Variants in DMD observed in about 807,000 individuals in gnomAD.
DMD encodes mutant dystrophin.
DMD carries 63 observed loss-of-function variants against 330.1 expected under a neutral mutation model. That is an observed-to-expected ratio of 0.19 (90% CI 0.16 to 0.24). The LOEUF (loss-of-function observed/expected upper bound fraction) is 0.24, where lower values mean the gene tolerates loss of function less well. DMD is among the 10% of genes least tolerant of loss of function. The pLI is 1.00. For missense variants in DMD, 3,344 were observed against 2,684.1 expected (o/e 1.25, Z -5.43); for synonymous variants, 1,223 against 959.8 (o/e 1.27, Z -5.07).
chrX:32,928,803 GAT>G (rs772860192), intron 2 of DMD, among the ~76,000 whole-genome samples: 6 of 111,913 alleles, frequency 5.4e-5, no homozygotes, highest in Non-Finnish European at 9.4e-5. Context: ...CTTACAATCA[GAT>G]ATTCTCAGAC....
intron 2 of DMD, among the ~76,000 whole-genome samples, chrX:32,953,592 C>G (rs1436338062): frequency 9.0e-6 from 1 of 111,720 alleles, no homozygotes; most frequent in Non-Finnish European, 1.9e-5. Context: ...TTACAAGGAG[C>G]TTGAGAAGAG....
intron 41 of DMD, among the ~76,000 whole-genome samples, chrX:32,333,637 T>G (rs2097691577): frequency 9.0e-6 from 1 of 111,457 alleles, no homozygotes; most frequent in Non-Finnish European, 1.9e-5. Context: ...TATTGGAATT[T>G]CTATTAAGTT....
intron 16 of DMD, among the ~76,000 whole-genome samples, chrX:32,562,887 T>A (rs1431832128): frequency 9.0e-6 from 1 of 111,721 alleles, no homozygotes; most frequent in African/African-American, 3.3e-5. Flanking sequence ...ATCAATCCCA[T>A]GACAGCATAA....
intron 50 of DMD, among the ~76,000 whole-genome samples, chrX:31,774,474 CTTAAG>C (rs1216885130): frequency 9.0e-6 from 1 of 111,610 alleles, no homozygotes; most frequent in African/African-American, 3.3e-5. Flanking sequence ...GGACAAGTAA[CTTAAG>C]TTAAATAAGC....
At chrX:31,198,617 C>T (rs2043142205) in intron 67 of DMD, among the ~76,000 whole-genome samples, 1 of 112,005 alleles carries the variant, frequency 8.9e-6, no homozygotes, top group Admixed American at 9.4e-5. Context: ...AAATGACTGG[C>T]AGTGCAGGTT....
chrX:31,863,490 C>T (rs1308282254), intron 48 of DMD, among the ~76,000 whole-genome samples: 2 of 112,268 alleles, frequency 1.8e-5, no homozygotes, highest in Non-Finnish European at 3.8e-5. Context: ...CCCACTGGTG[C>T]ATTGTAGTCA....
chrX:33,015,318 A>G (rs777910182), intron 2 of DMD, among the ~76,000 whole-genome samples: 1 of 112,060 alleles, frequency 8.9e-6, no homozygotes, highest in Non-Finnish European at 1.9e-5. Flanking sequence ...TACACCATGG[A>G]ATACTATGTA....
chrX:33,259,094 C>G (rs181890985), intron 1 of DMD, among the ~76,000 whole-genome samples: 2 of 111,034 alleles, frequency 1.8e-5, no homozygotes, highest in Non-Finnish European at 3.8e-5. Context: ...GAGCATATGG[C>G]GCTTTACTGT....
intron 62 of DMD, among the ~76,000 whole-genome samples, chrX:31,273,190 C>T (rs1464523220): frequency 9.0e-6 from 1 of 111,676 alleles, no homozygotes; most frequent in African/African-American, 3.3e-5. Context: ...GAGTGATTTA[C>T]TCATACTTTG....
intron 29 of DMD, among the ~76,000 whole-genome samples, chrX:32,434,795 T>C (rs144583595): frequency 8.9e-6 from 1 of 112,148 alleles, no homozygotes; most frequent in East Asian, 2.8e-4. Flanking sequence ...CTACACATTG[T>C]TTTAATTTAA....
At chrX:32,705,925 A>G (rs2064589278) in intron 7 of DMD, among the ~76,000 whole-genome samples, 1 of 110,095 alleles carries the variant, frequency 9.1e-6, no homozygotes, top group East Asian at 2.9e-4. Flanking sequence ...ACACATGCAC[A>G]CGTATGTTTA....
At chrX:32,917,685 T>C (rs2087963947) in intron 2 of DMD, among the ~76,000 whole-genome samples, 1 of 111,877 alleles carries the variant, frequency 8.9e-6, no homozygotes, top group African/African-American at 3.3e-5. Flanking sequence ...AAAAAATGGT[T>C]GGTGATCTTT....
chrX:32,767,964 T>C (rs1471342225), intron 7 of DMD, among the ~76,000 whole-genome samples: 1 of 111,659 alleles, frequency 9.0e-6, no homozygotes, highest in Non-Finnish European at 1.9e-5. Flanking sequence ...TGATAAGAGA[T>C]ATAGATATAA....
intron 67 of DMD, among the ~76,000 whole-genome samples, chrX:31,199,999 G>A (rs1490523909): frequency 1.8e-5 from 2 of 112,101 alleles, no homozygotes; most frequent in Non-Finnish European, 3.8e-5. Flanking sequence ...GCACCTGGCC[G>A]AGGAAAAGCA....
chrX:32,528,709 T>C (rs111620170), intron 17 of DMD, among the ~76,000 whole-genome samples: 2,531 of 110,864 alleles, frequency 0.023, 54 homozygotes, highest in Admixed American at 0.075. Flanking sequence ...GCCTGCTAGC[T>C]AAAAGCTTCA....
At chrX:32,535,540 G>C (rs1361483402) in intron 17 of DMD, among the ~76,000 whole-genome samples, 1 of 111,576 alleles carries the variant, frequency 9.0e-6, no homozygotes, top group Non-Finnish European at 1.9e-5. Flanking sequence ...CCTAACTTTA[G>C]TTTAATCTCT....
intron 76 of DMD, among the ~76,000 whole-genome samples, chrX:31,138,682 A>AGT (rs2035630354): frequency 1.6e-5 from 1 of 61,202 alleles, no homozygotes; most frequent in South Asian, 8.0e-4. Flanking sequence ...AGAGAGAGAG[A>AGT]GAGAGAAGGG....
In DMD at chrX:33,191,662, G is replaced by T. The variant is rs755218114; in HGVS notation, c.31+19620C>A. Reference sequence around the variant, plus strand: ...TGGTCTCGAACTCCTGGCCTCAAGTGATCTTCCCGCCTTGGCCTCCCAAAG... The same window carrying T: ...TGGTCTCGAACTCCTGGCCTCAAGTTATCTTCCCGCCTTGGCCTCCCAAAG... On this transcript the variant is annotated intron_variant, in intron 1 of 78. Coordinates refer to ENST00000357033, the MANE Select transcript of DMD (RefSeq NM_004006.3). Among the ~76,000 whole-genome samples the T allele has an allele frequency of 1.5e-3, 168 of 111,951 alleles. 1 individual carries two copies. The highest frequency in any genetic ancestry group is 5.2e-3 in the African/African-American group (159 of 30,854).
intron 52 of DMD, among the ~76,000 whole-genome samples, chrX:31,680,601 C>T (rs1291891484): frequency 9.1e-6 from 1 of 109,530 alleles, no homozygotes; most frequent in Non-Finnish European, 1.9e-5. Flanking sequence ...TGGTCTCAAA[C>T]TCCTGACCTC....
Sources: allele counts gnomAD v4.1 joint callset (sites outside exome capture counted in the v4.1 genomes callset), GRCh38; gene constraint gnomAD v4.1.1; transcripts MANE v1.5; gene names NCBI Gene and HGNC (gene_info 2026-07-23, HGNC 2026-07-21).